The following SLC25A21 variants were observed in gnomAD, a reference collection of about 807,000 sequenced individuals.
The protein encoded by SLC25A21 is solute carrier family 25 member 21.
In SLC25A21, 47 loss-of-function variants were observed where a neutral mutation model predicts 43.8. The ratio of observed to expected loss-of-function variants is 1.07; its 90% CI spans 0.85 to 1.37. The LOEUF is 1.37. Among genes scored for constraint, SLC25A21 ranks in the 40% most tolerant of loss-of-function variants. The probability of loss-of-function intolerance (pLI) is 0.00; values close to 1 mark genes in which losing one functional copy is unlikely to be tolerated. For missense variants in SLC25A21, 352 were observed against 350.2 expected (o/e 1.00, Z -0.04); for synonymous variants, 131 against 121.3 (o/e 1.08, Z -0.52).
chr14:36,700,560 A>G (rs923236685), intron 7 of SLC25A21, among the ~76,000 whole-genome samples: 17 of 152,182 alleles, frequency 1.1e-4, no homozygotes, highest in African/African-American at 2.2e-4. Flanking sequence ...GTAGAGTACA[A>G]TGATTAAGAG....
At chr14:37,013,660 T>C (rs1960782218) in intron 1 of SLC25A21, among the ~76,000 whole-genome samples, 2 of 152,142 alleles carry the variant, frequency 1.3e-5, no homozygotes, top group South Asian at 4.1e-4. Flanking sequence ...TTGTAAAATA[T>C]TTACCCCTCA....
chr14:37,152,434 T>A (rs1963774848), intron 1 of SLC25A21, among the ~76,000 whole-genome samples: 1 of 146,430 alleles, frequency 6.8e-6, no homozygotes, highest in African/African-American at 2.5e-5. Flanking sequence ...CAGACTGAAG[T>A]GCAGTGGCAC....
intron 1 of SLC25A21, among the ~76,000 whole-genome samples, chr14:36,893,541 A>T (rs1314029098): frequency 6.6e-6 from 1 of 152,094 alleles, no homozygotes; most frequent in Non-Finnish European, 1.5e-5. Context: ...GAAGCTCTTT[A>T]GTTTAATTAG....
intron 1 of SLC25A21, among the ~76,000 whole-genome samples, chr14:36,928,914 C>T (rs2138633960): frequency 6.6e-6 from 1 of 152,124 alleles, no homozygotes; most frequent in Non-Finnish European, 1.5e-5. Flanking sequence ...GAAAGAATTC[C>T]CTCATTGTGC....
At chr14:37,117,814 CAA>C (rs1383731706) in intron 1 of SLC25A21, among the ~76,000 whole-genome samples, 1 of 151,504 alleles carries the variant, frequency 6.6e-6, no homozygotes, top group Non-Finnish European at 1.5e-5. Flanking sequence ...GATCACAAAG[CAA>C]AAAGTAGTTA....
At chr14:36,734,413 T>TAC (rs34543482) in intron 4 of SLC25A21, 94 bp downstream of exon 4, 1 of 790,386 alleles carries the variant, frequency 1.3e-6, no homozygotes, top group African/African-American at 4.1e-5. Context: ...TTTAGTGCTT[T>TAC]ATATATAATT....
chr14:36,696,152 T>G (rs941054952), intron 7 of SLC25A21, among the ~76,000 whole-genome samples: 1 of 152,244 alleles, frequency 6.6e-6, no homozygotes, highest in South Asian at 2.1e-4. Flanking sequence ...CTTTTCTGCA[T>G]CTATTGAGAT....
intron 1 of SLC25A21, among the ~76,000 whole-genome samples, chr14:36,969,296 G>A (rs1347298101): frequency 6.6e-6 from 1 of 152,116 alleles, no homozygotes; most frequent in Non-Finnish European, 1.5e-5. Flanking sequence ...GAACAGATGT[G>A]CTTAGCTCTT....
At chr14:37,036,275 C>T (rs1216917221) in intron 1 of SLC25A21, among the ~76,000 whole-genome samples, 2 of 152,106 alleles carry the variant, frequency 1.3e-5, no homozygotes, top group East Asian at 3.9e-4. Flanking sequence ...AAAGTAGCTG[C>T]AGATCAAGAA....
At chr14:36,761,708 A>G (rs1457382236) in intron 3 of SLC25A21, among the ~76,000 whole-genome samples, 1 of 152,228 alleles carries the variant, frequency 6.6e-6, no homozygotes, top group Non-Finnish European at 1.5e-5. Context: ...TAGTGATACC[A>G]AATGATATAT....
intron 1 of SLC25A21, among the ~76,000 whole-genome samples, chr14:36,902,886 G>A (rs1645928600): frequency 6.6e-6 from 1 of 152,108 alleles, no homozygotes; most frequent in Admixed American, 6.5e-5. Context: ...TCAAGAGACT[G>A]AGGCAGGAGG....
At chr14:36,899,050 T>A (rs1449355447) in intron 1 of SLC25A21, among the ~76,000 whole-genome samples, 3 of 152,116 alleles carry the variant, frequency 2.0e-5, no homozygotes, top group Non-Finnish European at 4.4e-5. Flanking sequence ...TTACAAAACA[T>A]CATGTTGTAC....
chr14:36,819,931 G>T (rs1431580995), intron 2 of SLC25A21, among the ~76,000 whole-genome samples: 1 of 152,114 alleles, frequency 6.6e-6, no homozygotes, highest in East Asian at 1.9e-4. Context: ...ATATGAATAT[G>T]CAGTAATTGA....
At chr14:36,935,414 C>G (rs1284654069) in intron 1 of SLC25A21, among the ~76,000 whole-genome samples, 3 of 152,150 alleles carry the variant, frequency 2.0e-5, no homozygotes, top group African/African-American at 4.8e-5. Flanking sequence ...GAATTCTCCC[C>G]CAAGGACTAT....
intron 7 of SLC25A21, among the ~76,000 whole-genome samples, chr14:36,693,915 A>T (rs549061013): frequency 2.2e-4 from 33 of 151,724 alleles, no homozygotes; most frequent in African/African-American, 6.3e-4. Flanking sequence ...AAAATTTTTT[A>T]AAAAATTATT....
intron 1 of SLC25A21, among the ~76,000 whole-genome samples, chr14:37,007,440 TA>T (rs1960629656): frequency 6.6e-6 from 1 of 151,972 alleles, no homozygotes. Flanking sequence ...CTGTATCTAC[TA>T]AAAATACAAA....
intron 1 of SLC25A21, among the ~76,000 whole-genome samples, chr14:36,982,806 T>A (rs978085045): frequency 2.0e-5 from 3 of 149,126 alleles, no homozygotes; most frequent in African/African-American, 7.7e-5. Context: ...AGAGTGAGAC[T>A]CCATCTCAAC....
At chr14:36,945,506 C>G (rs1892659146) in intron 1 of SLC25A21, among the ~76,000 whole-genome samples, 1 of 152,112 alleles carries the variant, frequency 6.6e-6, no homozygotes, top group Non-Finnish European at 1.5e-5. Context: ...AAAGTATATC[C>G]ATACAAATGG....
chr14:36,820,274 G>A (rs962280955), intron 2 of SLC25A21, among the ~76,000 whole-genome samples: 2 of 152,114 alleles, frequency 1.3e-5, no homozygotes, highest in Non-Finnish European at 1.5e-5. Context: ...TCCTTATTGT[G>A]ACTTTTACTT....
Sources: gnomAD v4.1 joint callset for allele counts (sites outside exome capture counted in the v4.1 genomes callset) on GRCh38, gnomAD v4.1.1 for gene constraint, MANE v1.5 for transcripts, NCBI Gene and HGNC (gene_info 2026-07-23, HGNC 2026-07-21) for gene names.